Variants in AP2A2 observed in about 807,000 individuals in gnomAD.
AP2A2 encodes adaptor related protein complex 2 subunit alpha 2, also known as AP-2 complex subunit alpha-2.
Under a neutral mutation model 104.2 loss-of-function variants are expected in AP2A2, and 32 were observed. The observed-to-expected ratio is 0.31, with a 90% CI of 0.23 to 0.41. AP2A2 has a LOEUF of 0.41. Ranked by LOEUF, AP2A2 falls within the 10% of genes least tolerant of loss-of-function variation. AP2A2 has a pLI of 1.00. For synonymous variants in AP2A2, 539 were observed against 533.3 expected, an observed-to-expected ratio of 1.01 and a Z score of -0.15; for missense variants, 912 against 1,261.0, an observed-to-expected ratio of 0.72 and a Z score of 4.19.
intron 1 of AP2A2, among the ~76,000 whole-genome samples, chr11:952,659 C>T (rs933507567): frequency 6.6e-6 from 1 of 152,104 alleles, no homozygotes; most frequent in Non-Finnish European, 1.5e-5. Context: ...TAACAAAGAT[C>T]AGACTGTGTG....
intron 14 of AP2A2, among the ~76,000 whole-genome samples, chr11:998,149 G>A (rs1325155924): frequency 6.6e-6 from 1 of 152,218 alleles, no homozygotes; most frequent in Non-Finnish European, 1.5e-5. Flanking sequence ...TGGTCTCATC[G>A]AGACACGCCT....
intron 1 of AP2A2, chr11:933,416 G>A: frequency 4.8e-6 from 2 of 420,740 alleles, no homozygotes; most frequent in South Asian, 3.3e-5. Context: ...AAGCTGAGCT[G>A]GTTGAAACGT....
At chr11:985,164 G>C (rs1278102029) in intron 7 of AP2A2, among the ~76,000 whole-genome samples, 1 of 152,102 alleles carries the variant, frequency 6.6e-6, no homozygotes, top group African/African-American at 2.4e-5. Context: ...TTGCGTTTTT[G>C]TAGAGACGGG....
rs1360097855 is a variant in AP2A2, at chr11:992,850, T to C, written c.1452+165T>C. On this transcript the variant is annotated intron_variant, in intron 11 of 21. Transcript: ENST00000448903. This position sits in a 1 kb window ranked among gnomAD's most constrained non-coding sequence, Gnocchi z 6.4. ...CTAGCTCCTCCACTGTTGGTGCCCC[T>C]TGCTGAGTCCCAGTTTCTTCTCACC... Among the ~76,000 whole-genome samples, 1 of 152,142 alleles carries C rather than the reference T, an allele frequency of 6.6e-6. No homozygotes were observed. The highest frequency in any genetic ancestry group is 2.4e-5 in the African/African-American group (1 of 41,426).
intron 14 of AP2A2, among the ~76,000 whole-genome samples, chr11:997,359 A>G (rs1395531662): frequency 6.6e-6 from 1 of 152,068 alleles, no homozygotes; most frequent in Admixed American, 6.6e-5. Context: ...TTGTAGGCAA[A>G]ACCTTCACCC....
At chr11:949,163 C>G (rs755799479) in intron 1 of AP2A2, among the ~76,000 whole-genome samples, 1 of 151,882 alleles carries the variant, frequency 6.6e-6, no homozygotes, top group Non-Finnish European at 1.5e-5. Context: ...TTAGTCCCAG[C>G]CACTTGGGAG....
intron 4 of AP2A2, among the ~76,000 whole-genome samples, chr11:976,766 A>G (rs1017348672): frequency 2.0e-5 from 3 of 152,206 alleles, no homozygotes; most frequent in Non-Finnish European, 4.4e-5. Flanking sequence ...CCCTCCAAGC[A>G]TTTCTGTTGT....
intron 2 of AP2A2, among the ~76,000 whole-genome samples, chr11:963,918 A>G (rs561934470): frequency 6.6e-6 from 1 of 152,316 alleles, no homozygotes; most frequent in South Asian, 2.1e-4. Flanking sequence ...GAGCCACTGC[A>G]CCTGGCCCCT....
chr11:988,874 G>C, intron 10 of AP2A2, 185 bp downstream of exon 10: 1 of 770,684 alleles, frequency 1.3e-6, no homozygotes, highest in South Asian at 1.8e-5. Flanking sequence ...TGGCACCTGT[G>C]GTCCCCGCTA....
At chr11:1,008,315 GGGGAGGCGGAGCCCTGGGCTCC>G (rs1180755728) in intron 18 of AP2A2, 180 bp downstream of exon 18, 1 of 958,366 alleles carries the variant, frequency 1.0e-6, no homozygotes, top group African/African-American at 1.7e-5. Flanking sequence ...CAGGAAACAA[GGGGAGGCGGAGCCCTGGGCTCC>G]GGGACGGCAG....
chr11:958,143 G>T (rs1299539580), intron 1 of AP2A2, among the ~76,000 whole-genome samples: 1 of 152,240 alleles, frequency 6.6e-6, no homozygotes, highest in East Asian at 1.9e-4. Context: ...TAATCCTGTA[G>T]GATTGGTGGC....
At position 1,009,122 on chromosome 11, in the gene AP2A2, G is replaced by C; in HGVS notation, c.2443G>C (p.Val815Leu). The change falls in exon 19 of 22, where the codon GTG (valine) becomes CTG (leucine). Residue 815 changes from valine to leucine, a missense_variant. Val to Leu is a conservative substitution (Grantham distance 32). Transcript: ENST00000448903. ...CAGGTATGGGGGCACCTTCCAGAAC[G>C]TGTCTGTGCAGCTGCCCATCACTCT... ...QFRYGGTFQN[V>L]SVQLPITLNK... The C allele has an allele frequency of 1.2e-6, 2 of 1,613,134 alleles. No individual in the cohort carries two copies. Among genetic ancestry groups the C allele is most frequent in the South Asian group, 1.1e-5 (1 of 91,040 alleles).
chr11:970,190 A>G lies in AP2A2; in HGVS notation c.158A>G (p.Tyr53Cys). ...KFKGDKALDG[Y>C]SKKKYVCKLL... ...GTAGGTGACAAGGCTCTTGATGGCT[A>G]TAGTAAAAAAAAGTACGTCTGCAAG... The change falls in exon 3 of 22, where the codon TAT becomes TGT. Residue 53 changes from tyrosine to cysteine, a missense_variant. Physicochemically the swap from Tyr to Cys is radical, Grantham distance 194. Around this residue, in one of 7 missense-constraint regions of AP2A2, gnomAD observed 17 missense variants for 57.3 expected, o/e 0.30. Coordinates refer to ENST00000448903, the MANE Select transcript of AP2A2 (RefSeq NM_012305.4). 2 of 1,613,934 alleles carry G rather than the reference A, an allele frequency of 1.2e-6. No individual in the cohort carries two copies. Among genetic ancestry groups the G allele is most frequent in the Non-Finnish European group, 1.7e-6 (2 of 1,179,866 alleles).
intron 1 of AP2A2, among the ~76,000 whole-genome samples, chr11:947,505 G>A (rs1318490954): frequency 6.6e-6 from 1 of 152,248 alleles, no homozygotes; most frequent in South Asian, 2.1e-4. Flanking sequence ...TTAAGTTAAG[G>A]TGCTAGTTGG....
In AP2A2 at chr11:992,848, C is replaced by T. The variant is rs1397966605; in HGVS notation, c.1452+163C>T. 6.6e-6 allele frequency among the ~76,000 whole-genome samples: 1 copy of T among 152,124 alleles called. No individual in the cohort carries two copies. The highest frequency in any genetic ancestry group is 2.4e-5 in the African/African-American group (1 of 41,412). On this transcript the variant is annotated intron_variant, in intron 11 of 21. Transcript: ENST00000448903. The surrounding 1 kb of genome is among the most constrained non-coding windows in gnomAD (Gnocchi z 6.4). ...CTCTAGCTCCTCCACTGTTGGTGCC[C>T]CTTGCTGAGTCCCAGTTTCTTCTCA...
At chr11:984,592 G>T in intron 6 of AP2A2, 53 bp from the exon 7 acceptor site, 2 of 1,450,446 alleles carry the variant, frequency 1.4e-6, no homozygotes, top group Admixed American at 1.7e-5. Context: ...TTGGGTCCCC[G>T]CAGTAGGGGC....
At chr11:963,528 TG>T in intron 2 of AP2A2, among the ~76,000 whole-genome samples, 1 of 152,332 alleles carries the variant, frequency 6.6e-6, no homozygotes, top group African/African-American at 2.4e-5. Context: ...CACTTTGTAC[TG>T]GCTGTTTCAC....
intron 1 of AP2A2, among the ~76,000 whole-genome samples, chr11:930,794 A>G (rs1408411251): frequency 6.6e-6 from 1 of 152,216 alleles, no homozygotes; most frequent in Admixed American, 6.5e-5. Flanking sequence ...TGCTGGGATT[A>G]CAGGCGTGAG....
intron 4 of AP2A2, among the ~76,000 whole-genome samples, chr11:976,332 G>A (rs185790273): frequency 2.4e-4 from 36 of 152,324 alleles, no homozygotes; most frequent in African/African-American, 7.9e-4. Flanking sequence ...AAGCCAAAAG[G>A]TAAATGGTAC....
Sources: allele counts gnomAD v4.1 joint callset (sites outside exome capture counted in the v4.1 genomes callset), GRCh38; gene constraint gnomAD v4.1.1; regional missense constraint gnomAD v4.1.1; non-coding constraint Gnocchi (gnomAD v3.1); transcripts MANE v1.5; gene names NCBI Gene and HGNC (gene_info 2026-07-23, HGNC 2026-07-21).